WWOX: variants seen among roughly 807,000 people sequenced by gnomAD.
WWOX encodes the protein WW domain containing oxidoreductase.
A neutral mutation model predicts 46.2 loss-of-function variants in WWOX; 69 were observed. The ratio of observed to expected loss-of-function variants is 1.49; its 90% CI spans 1.23 to 1.82. WWOX has a LOEUF of 1.82. Among genes scored for constraint, WWOX ranks in the 40% most tolerant of loss-of-function variants. The pLI, the probability that WWOX is intolerant of heterozygous loss-of-function variation, is 0.00. For missense variants in WWOX, 919 were observed against 542.6 expected (o/e 1.69, Z -6.89); for synonymous variants, 359 against 202.6 (o/e 1.77, Z -6.56).
At chr16:78,107,955 A>C (rs777187642) in intron 1 of WWOX, among the ~76,000 whole-genome samples, 2 of 151,950 alleles carry the variant, frequency 1.3e-5, no homozygotes, top group South Asian at 4.2e-4. Context: ...TTTGAGACAG[A>C]GTCTTGCTCT....
chr16:78,442,463 A>G (rs1218558366), intron 8 of WWOX, among the ~76,000 whole-genome samples: 1 of 151,850 alleles, frequency 6.6e-6, no homozygotes, highest in Non-Finnish European at 1.5e-5. Context: ...CCCCACTACC[A>G]GCCCCTCCTG....
chr16:78,773,683 G>A (rs1488777228), intron 8 of WWOX, among the ~76,000 whole-genome samples: 2 of 152,218 alleles, frequency 1.3e-5, no homozygotes, highest in African/African-American at 4.8e-5. Context: ...CGAAATCACA[G>A]TGGTGTGTCT....
rs373324091 is a variant in WWOX, at chr16:78,144,401, G to A, written c.410-19782G>A. Among the ~76,000 whole-genome samples the A allele has an allele frequency of 1.2e-3, 134 of 113,698 alleles. 5 individuals carry two copies. In the South Asian group the frequency reaches 0.039, roughly 33 times the overall value. 74.6% of individuals were successfully genotyped at this position (113,698 alleles called of 152,430 possible). On this transcript the variant is annotated intron_variant, in intron 4 of 8. Coordinates refer to ENST00000566780, the MANE Select transcript of WWOX (RefSeq NM_016373.4). The stretch of plus-strand genomic sequence containing the variant: ...GCCTGATAGCCTGATGTTTTATTAG[G>A]GTGGTGCAAACGTGGTTTTTGCCAT...
At chr16:78,355,724 G>C (rs1198546215) in intron 5 of WWOX, 1 of 741,116 alleles carries the variant, frequency 1.3e-6, no homozygotes, top group Non-Finnish European at 2.3e-6. Flanking sequence ...TATAGAAATT[G>C]ATGAGGAAAC....
intron 5 of WWOX, among the ~76,000 whole-genome samples, chr16:78,184,940 C>A (rs970250426): frequency 2.6e-5 from 4 of 152,230 alleles, no homozygotes; most frequent in Non-Finnish European, 4.4e-5. Flanking sequence ...ACTGTATTTT[C>A]ATCATGAGTT....
At chr16:78,901,692 T>A (rs1233011164) in intron 8 of WWOX, among the ~76,000 whole-genome samples, 5 of 152,236 alleles carry the variant, frequency 3.3e-5, no homozygotes, top group Non-Finnish European at 5.9e-5. Context: ...TTTTTTCATG[T>A]TGCCCAGGCT....
At position 78,889,466 on chromosome 16, in the gene WWOX, C is replaced by G. The variant is rs141905446; in HGVS notation, c.1057-322142C>G. The stretch of plus-strand genomic sequence containing the variant: ...CTTGATGTGTCTCAGAGTGATCATT[C>G]TTGCCCTTGGCGGTTGATGCTAGAC... On this transcript the variant is annotated intron_variant, in intron 8 of 8. Transcript: ENST00000566780. 3.5e-3 allele frequency among the ~76,000 whole-genome samples: 531 copies of G among 151,532 alleles called. 7 individuals carry two copies. The highest frequency in any genetic ancestry group is 6.3e-4 in the Non-Finnish European group (43 of 67,984).
At chr16:78,534,663 A>G (rs1252656907) in intron 8 of WWOX, 3 of 151,954 alleles carry the variant, frequency 2.0e-5, no homozygotes, top group Non-Finnish European at 2.9e-5. Context: ...TTAAAACTAC[A>G]TGTTTTGGGG....
chr16:78,381,741 G>A (rs7184686), intron 5 of WWOX, among the ~76,000 whole-genome samples: 72,190 of 152,000 alleles, frequency 0.47, 19,007 homozygotes, highest in Non-Finnish European at 0.61. Context: ...AAGCATGGGA[G>A]GATGGATGAT....
chr16:78,190,687 A>G (rs1006101746), intron 5 of WWOX, among the ~76,000 whole-genome samples: 6 of 152,102 alleles, frequency 3.9e-5, no homozygotes, highest in Non-Finnish European at 8.8e-5. Context: ...AGTGTATTGG[A>G]TTTCAGAGTC....
rs1273161638 is a variant in WWOX at position 78,338,920 on chromosome 16, C to T, written c.517-47940C>T. ...AAGTTAAAGCAGCCCTCAGCATCAA[C>T]TTCTTCTTCATTTCTAACTCATTTA... On this transcript the variant is annotated intron_variant, in intron 5 of 8. Coordinates refer to ENST00000566780, the MANE Select transcript of WWOX (RefSeq NM_016373.4). Among the ~76,000 whole-genome samples the T allele has an allele frequency of 1.7e-5, 2 of 120,648 alleles. 1 individual carries two copies. The highest frequency in any genetic ancestry group is 4.0e-5 in the Non-Finnish European group (2 of 50,602). The allele number at this position is 120,648 out of a possible 152,430, so 79.1% of individuals were successfully genotyped here. A position where few individuals can be genotyped will look rare whatever the true frequency, so the allele number is the denominator to read the frequency against.
rs113056715 is a variant in WWOX, at chr16:78,771,649, G to A, written c.1056+338897G>A. 4.6e-5 allele frequency among the ~76,000 whole-genome samples: 7 copies of A among 152,190 alleles called. 1 individual carries two copies. The highest frequency in any genetic ancestry group is 1.7e-4 in the African/African-American group (7 of 41,534). ...TGGGCGGGCATTGTGGTGGGTGTCTGTAATCCCAGCTATTTGGAAGGCTGA... is the reference window on the plus strand; with the variant it reads ...TGGGCGGGCATTGTGGTGGGTGTCTATAATCCCAGCTATTTGGAAGGCTGA... On this transcript the variant is annotated intron_variant, in intron 8 of 8. Transcript: ENST00000566780.
chr16:78,821,872 A>C (rs759588541), intron 8 of WWOX, among the ~76,000 whole-genome samples: 7 of 152,128 alleles, frequency 4.6e-5, no homozygotes, highest in Non-Finnish European at 8.8e-5. Context: ...CCCATCTTCA[A>C]ATATTAAAAT....
At chr16:78,995,983 G>T (rs117892526) in intron 8 of WWOX, among the ~76,000 whole-genome samples, 1 of 152,132 alleles carries the variant, frequency 6.6e-6, no homozygotes, top group Non-Finnish European at 1.5e-5. Flanking sequence ...GTAGAGGCCA[G>T]CTTGGAGTTA....
At chr16:79,128,993 A>G (rs560265176) in intron 8 of WWOX, among the ~76,000 whole-genome samples, 13 of 152,180 alleles carry the variant, frequency 8.5e-5, no homozygotes, top group Admixed American at 8.5e-4. Flanking sequence ...TGGGTTAGAA[A>G]TGTTGTTTTC....
chr16:78,105,120 G>C (rs1053376020), intron 1 of WWOX, among the ~76,000 whole-genome samples: 1 of 152,192 alleles, frequency 6.6e-6, no homozygotes, highest in Admixed American at 6.6e-5. Context: ...CTGGGGTATT[G>C]GCATCTGATG....
intron 8 of WWOX, among the ~76,000 whole-genome samples, chr16:78,670,770 C>G (rs1214034113): frequency 2.0e-5 from 3 of 152,022 alleles, no homozygotes; most frequent in South Asian, 4.1e-4. Flanking sequence ...CTTTGACCTC[C>G]TAAAGTGCTG....
rs190642053 is a variant in WWOX, at chr16:79,166,680, C to G, written c.1057-44928C>G. ...ATTTAATAGAATGAGCTAACCAAGGCACATGGTGACTACTGTCCCTCAAGA... is the reference window on the plus strand; with the variant it reads ...ATTTAATAGAATGAGCTAACCAAGGGACATGGTGACTACTGTCCCTCAAGA... On this transcript the variant is annotated intron_variant, in intron 8 of 8. Coordinates refer to ENST00000566780, the MANE Select transcript of WWOX (RefSeq NM_016373.4). Among the ~76,000 whole-genome samples, 26 of 152,304 alleles carry G rather than the reference C, an allele frequency of 1.7e-4. No homozygotes were observed. The East Asian group carries it at 5.0e-3, about 29-fold the overall frequency.
intron 8 of WWOX, among the ~76,000 whole-genome samples, chr16:78,453,133 T>G (rs369249325): frequency 6.6e-6 from 1 of 152,062 alleles, no homozygotes; most frequent in African/African-American, 2.4e-5. Context: ...TGTAAAAAAT[T>G]TATTCCTCAG....
Sources: gnomAD v4.1 joint callset for allele counts (sites outside exome capture counted in the v4.1 genomes callset) on GRCh38, gnomAD v4.1.1 for gene constraint, MANE v1.5 for transcripts, NCBI Gene and HGNC (gene_info 2026-07-23, HGNC 2026-07-21) for gene names.